The following CLUL1 variants were observed in gnomAD, a reference collection of about 807,000 sequenced individuals.
CLUL1 encodes the protein clusterin like 1, also known as clusterin-like protein 1.
A neutral mutation model predicts 49.4 loss-of-function variants in CLUL1; 43 were observed. That is an observed-to-expected ratio of 0.87 (90% CI 0.68 to 1.12). The LOEUF (loss-of-function observed/expected upper bound fraction) is 1.12. Ranked by LOEUF, CLUL1 falls within the 50% of genes most tolerant of loss-of-function variation. The pLI, the probability that CLUL1 is intolerant of heterozygous loss-of-function variation, is 0.00. For missense variants in CLUL1, 486 were observed against 544.4 expected (o/e 0.89, Z 1.07); for synonymous variants, 192 against 184.9 (o/e 1.04, Z -0.31).
intron 7 of CLUL1, among the ~76,000 whole-genome samples, chr18:639,149 G>A (rs1270555674): frequency 2.0e-5 from 3 of 152,080 alleles, no homozygotes; most frequent in African/African-American, 7.2e-5. Context: ...TCATACAGCC[G>A]GGTGTGGTGG....
In CLUL1 at chr18:618,699, A is replaced by G. The variant is rs2073382921; in HGVS notation, c.107-514A>G. On this transcript the variant is annotated intron_variant, in intron 3 of 9. Transcript: ENST00000692774. This position sits in a 1 kb window ranked among gnomAD's most constrained non-coding sequence, Gnocchi z 4.2. The stretch of plus-strand genomic sequence containing the variant: ...AACAGGGAATGACAATGAATTTTAA[A>G]CTTACTAAGGGCTTATTAAAGGTGT... Among the ~76,000 whole-genome samples, 1 of 152,158 alleles carries G rather than the reference A, an allele frequency of 6.6e-6. No homozygotes were observed. Among genetic ancestry groups the G allele is most frequent in the Admixed American group, 6.5e-5 (1 of 15,276 alleles).
rs537576646 is a variant in CLUL1 at position 618,494 on chromosome 18, G to A, written c.106+388G>A. Among the ~76,000 whole-genome samples the A allele has an allele frequency of 6.6e-6, 1 of 152,274 alleles. No homozygotes were observed. The highest frequency in any genetic ancestry group is 1.9e-4 in the East Asian group (1 of 5,192). Reference sequence around the variant, plus strand: ...ATTGTTCTTAAACTAGTGAAAGAATGGGTTATAATTACGTTGAATCTGGTT... The same window carrying A: ...ATTGTTCTTAAACTAGTGAAAGAATAGGTTATAATTACGTTGAATCTGGTT... On this transcript the variant is annotated intron_variant, in intron 3 of 9. Coordinates refer to ENST00000692774, the MANE Select transcript of CLUL1 (RefSeq NM_001393344.1). This position sits in a 1 kb window ranked among gnomAD's most constrained non-coding sequence, Gnocchi z 4.2.
At chr18:634,212 C>G (rs1041867059) in intron 7 of CLUL1, among the ~76,000 whole-genome samples, 1 of 152,120 alleles carries the variant, frequency 6.6e-6, no homozygotes, top group Non-Finnish European at 1.5e-5. Flanking sequence ...TCACTGCAAC[C>G]TCCACCTCTC....
rs1199417540 is a variant in CLUL1 at position 625,008 on chromosome 18, T to C, written c.399T>C (p.Pro133=). 3 of 1,614,184 alleles carry C rather than the reference T, an allele frequency of 1.9e-6. No homozygotes were observed. Among genetic ancestry groups the C allele is most frequent in the African/African-American group, 1.3e-5 (1 of 75,060 alleles). ...TGAGAATTTATACAACCTGCCAACCTAGCTGGTCCTCTGTGAAAAATAAGG... is the reference window on the plus strand; with the variant it reads ...TGAGAATTTATACAACCTGCCAACCCAGCTGGTCCTCTGTGAAAAATAAGG... ...NCMRIYTTCQ[P]SWSSVKNKIE... Residue 133 remains proline (P), a synonymous_variant, in exon 5 of 10, where the codon CCT becomes CCC. Coordinates refer to ENST00000692774, the MANE Select transcript of CLUL1 (RefSeq NM_001393344.1).
At chr18:633,094 T>C (rs1388022395) in intron 6 of CLUL1, among the ~76,000 whole-genome samples, 2 of 152,104 alleles carry the variant, frequency 1.3e-5, no homozygotes, top group African/African-American at 4.8e-5. Context: ...GAGGCAGAGG[T>C]TGCAGTGAGC....
At chr18:636,533 T>TA (rs899598711) in intron 7 of CLUL1, among the ~76,000 whole-genome samples, 6 of 151,576 alleles carry the variant, frequency 4.0e-5, no homozygotes, top group Admixed American at 2.6e-4. Flanking sequence ...TTCAATTAAA[T>TA]AAAAAAATGA....
At chr18:637,140 C>T (rs1035080286) in intron 7 of CLUL1, among the ~76,000 whole-genome samples, 1 of 152,088 alleles carries the variant, frequency 6.6e-6, no homozygotes, top group Non-Finnish European at 1.5e-5. Context: ...GCGCCCGCCA[C>T]CATGCCCGGC....
chr18:618,019 G>C lies in CLUL1; in HGVS notation c.19G>C (p.Val7Leu). MKPPLL[V>L]FIVCLLWLKD... ...CGGGAACATGAAGCCGCCACTCTTG[G>C]TGTTTATTGTGTGTCTGCTGTGGTT... The change falls in exon 3 of 10, where the codon GTG becomes CTG. Residue 7 changes from valine to leucine, a missense_variant. Coordinates refer to ENST00000692774, the MANE Select transcript of CLUL1 (RefSeq NM_001393344.1). This position sits in a 1 kb window ranked among gnomAD's most constrained non-coding sequence, Gnocchi z 4.2. 6.2e-7 allele frequency: 1 copy of C among 1,614,142 alleles called. No individual in the cohort carries two copies. Among genetic ancestry groups the C allele is most frequent in the Non-Finnish European group, 8.5e-7 (1 of 1,180,006 alleles).
chr18:628,639 CTT>C (rs577855173), intron 6 of CLUL1, among the ~76,000 whole-genome samples: 23 of 137,520 alleles, frequency 1.7e-4, no homozygotes, highest in Non-Finnish European at 1.4e-4. Context: ...TTTCTTTTTT[CTT>C]TTTTTTTTTT....
chr18:633,808 CAGGGCGGAGCGTGTAATCGGAATGA>C (rs1193321318), intron 7 of CLUL1, among the ~76,000 whole-genome samples: 6 of 23,946 alleles, frequency 2.5e-4, no homozygotes, highest in African/African-American at 6.8e-4. Flanking sequence ...CGGAATGAAT[CAGGGCGGAGCGTGTAATCGGAATGA>C]ATCAGGGCGG....
chr18:608,524 T>G (rs2073045487), intron 2 of CLUL1, among the ~76,000 whole-genome samples: 1 of 152,112 alleles, frequency 6.6e-6, no homozygotes, highest in South Asian at 2.1e-4. Context: ...AACAAACAAC[T>G]TCTGTGACAT....
chr18:610,763 G>A (rs967377034), intron 2 of CLUL1, among the ~76,000 whole-genome samples: 1 of 152,196 alleles, frequency 6.6e-6, no homozygotes, highest in African/African-American at 2.4e-5. Flanking sequence ...AAGGCTGGGG[G>A]AGGTGGCTCA....
chr18:637,016 T>C (rs962951898), intron 7 of CLUL1, among the ~76,000 whole-genome samples: 2 of 151,464 alleles, frequency 1.3e-5, no homozygotes, highest in Admixed American at 1.3e-4. Context: ...AGACGGAGTC[T>C]TGCTCCGTCG....
intron 9 of CLUL1, among the ~76,000 whole-genome samples, chr18:647,418 C>T (rs2074539272): frequency 6.6e-6 from 1 of 152,074 alleles, no homozygotes; most frequent in African/African-American, 2.4e-5. Context: ...GGATGGATAC[C>T]GACTCATGAG....
At chr18:649,737 G>C (rs893695081) in intron 9 of CLUL1, 161 bp from the exon 10 acceptor site, 5 of 564,554 alleles carry the variant, frequency 8.9e-6, no homozygotes, top group African/African-American at 1.9e-5. Context: ...CATGCATATG[G>C]GTTTCACATT....
chr18:637,614 C>T (rs553378128), intron 7 of CLUL1, among the ~76,000 whole-genome samples: 2 of 152,204 alleles, frequency 1.3e-5, no homozygotes, highest in South Asian at 2.1e-4. Context: ...GTTTGGAAAG[C>T]GTTGCTCCAG....
At chr18:619,415 T>C in intron 4 of CLUL1, 54 bp downstream of exon 4, 3 of 1,464,082 alleles carry the variant, frequency 2.0e-6, no homozygotes, top group Non-Finnish European at 2.8e-6. Context: ...CCAGAAATAC[T>C]GCACTTGTTA....
intron 2 of CLUL1, among the ~76,000 whole-genome samples, chr18:612,449 C>T (rs745671458): frequency 6.6e-5 from 10 of 152,304 alleles, no homozygotes; most frequent in Admixed American, 2.0e-4. Flanking sequence ...ACATGTGCCA[C>T]GTGCACCCCT....
At position 611,907 on chromosome 18, in the gene CLUL1, C is replaced by A. The variant is rs560160162; in HGVS notation, c.-14+4808C>A. 4.1e-4 allele frequency among the ~76,000 whole-genome samples: 63 copies of A among 152,262 alleles called. 1 individual carries two copies. The highest frequency in any genetic ancestry group is 3.2e-4 in the Non-Finnish European group (22 of 68,030). ...AAAGGCCTGTGCCAGCCAATGGCCCCCACTACACTCTGCCCCGGCCTTTCT... is the reference window on the plus strand; with the variant it reads ...AAAGGCCTGTGCCAGCCAATGGCCCACACTACACTCTGCCCCGGCCTTTCT... On this transcript the variant is annotated intron_variant, in intron 2 of 9. Coordinates refer to ENST00000692774, the MANE Select transcript of CLUL1 (RefSeq NM_001393344.1).
Sources: allele counts gnomAD v4.1 joint callset (sites outside exome capture counted in the v4.1 genomes callset), GRCh38; gene constraint gnomAD v4.1.1; non-coding constraint Gnocchi (gnomAD v3.1); transcripts MANE v1.5; gene names NCBI Gene and HGNC (gene_info 2026-07-23, HGNC 2026-07-21).